Variants in GRID2IP observed in about 807,000 individuals in gnomAD.
GRID2IP encodes Grid2 interacting protein.
GRID2IP carries 78 observed loss-of-function variants against 114.3 expected under a neutral mutation model. That is an observed-to-expected ratio of 0.68 (90% CI 0.57 to 0.82). GRID2IP has a LOEUF of 0.82. Among genes scored for constraint, GRID2IP ranks in the 40% least tolerant of loss-of-function variants. GRID2IP has a pLI of 0.00. For missense variants in GRID2IP, 1,727 were observed against 1,678.5 expected (o/e 1.03, Z -0.51); for synonymous variants, 809 against 724.0 (o/e 1.12, Z -1.89).
At position 6,519,297 on chromosome 7, in the gene GRID2IP, A is replaced by C. The variant is rs891160786; in HGVS notation, c.1268+1281T>G. Among the ~76,000 whole-genome samples, 7 of 152,196 alleles carry C rather than the reference A, an allele frequency of 4.6e-5. No individual in the cohort carries two copies. The highest frequency in any genetic ancestry group is 1.4e-4 in the African/African-American group (6 of 41,446). On this transcript the variant is annotated intron_variant, in intron 7 of 21. Coordinates refer to ENST00000457091, the MANE Select transcript of GRID2IP (RefSeq NM_001145118.2). The surrounding 1 kb of genome is among the most constrained non-coding windows in gnomAD (Gnocchi z 4.1). ...ATACTAAAAACCACTGAATTGTATA[A>C]TTAAATGGCAAATTGTATAGTATGT...
intron 7 of GRID2IP, among the ~76,000 whole-genome samples, chr7:6,518,602 G>C (rs563039621): frequency 6.6e-6 from 1 of 152,098 alleles, no homozygotes; most frequent in South Asian, 2.1e-4. Context: ...TGGGCGTGGT[G>C]GAGAGTGCCT....
intron 7 of GRID2IP, 63 bp from the exon 8 acceptor site, chr7:6,514,592 G>C: frequency 7.2e-7 from 1 of 1,379,988 alleles, no homozygotes; most frequent in Non-Finnish European, 9.5e-7. Context: ...GCACAGAGTG[G>C]GGGTAGACAA....
At position 6,541,010 on chromosome 7, in the gene GRID2IP, T is replaced by C. The variant is rs1779808503; in HGVS notation, c.430-1138A>G. 2.0e-5 allele frequency among the ~76,000 whole-genome samples: 3 copies of C among 152,078 alleles called. No homozygotes were observed. In the South Asian group the frequency reaches 6.2e-4, roughly 32 times the overall value. On this transcript the variant is annotated intron_variant, in intron 1 of 21. Transcript: ENST00000457091. ...TGCCTACATGCTTGGCTAATCTGTTTTTTTATAATCCCTCATCTACTTAAA... is the reference window on the plus strand; with the variant it reads ...TGCCTACATGCTTGGCTAATCTGTTCTTTTATAATCCCTCATCTACTTAAA...
intron 2 of GRID2IP, among the ~76,000 whole-genome samples, chr7:6,533,193 C>T (rs941678149): frequency 3.3e-5 from 5 of 152,124 alleles, no homozygotes; most frequent in African/African-American, 1.2e-4. Context: ...ATGTGCAGGA[C>T]AGCCCCTGAC....
In GRID2IP at chr7:6,514,481, A is replaced by G. The variant is rs1443719362; in HGVS notation, c.1317T>C (p.Pro439=). 11 of 1,548,986 alleles carry G rather than the reference A, an allele frequency of 7.1e-6. 2 individuals carry two copies. In the Admixed American group the frequency reaches 2.0e-4, roughly 28 times the overall value. The change falls in exon 8 of 22, where the codon CCT becomes CCC. Residue 439 remains proline, a synonymous_variant. Coordinates refer to ENST00000457091, the MANE Select transcript of GRID2IP (RefSeq NM_001145118.2). ...IVDVYPVLDT[P]AKQVLWQFIY... ...TGAACTGCCACAGGACCTGCTTGGCAGGGGTGTCCAGCACAGGGTAGACGT... is the reference window on the plus strand; with the variant it reads ...TGAACTGCCACAGGACCTGCTTGGCGGGGGTGTCCAGCACAGGGTAGACGT...
rs756640161 is a variant in GRID2IP at position 6,508,250 on chromosome 7, G to T, written c.2279C>A (p.Pro760Gln). 6.5e-7 allele frequency: 1 copy of T among 1,536,440 alleles called. No individual in the cohort carries two copies. Among genetic ancestry groups the T allele is most frequent in the South Asian group, 1.2e-5 (1 of 81,900 alleles). The part of the protein sequence containing the change: ...PPPPLSPPPP[P>Q]PLPFHDAKPS... ...CTTAGCGTCATGGAAAGGCAGGGGTGGCGGTGGTGGGGGGCTGAGCGGGGG... is the reference window on the plus strand; with the variant it reads ...CTTAGCGTCATGGAAAGGCAGGGGTTGCGGTGGTGGGGGGCTGAGCGGGGG... The change falls in exon 13 of 22, where the codon CCA (proline) becomes CAA (glutamine). Residue 760 changes from proline (P) to glutamine (Q), a missense_variant. Pro to Gln is a moderately conservative substitution (Grantham distance 76). Transcript: ENST00000457091. The surrounding 1 kb of genome is among the most constrained non-coding windows in gnomAD (Gnocchi z 5.6).
At position 6,501,842 on chromosome 7, in the gene GRID2IP, A is replaced by G. The variant is rs754661441; in HGVS notation, c.3338T>C (p.Ile1113Thr). The change falls in exon 20 of 22, where the codon ATA becomes ACA. Residue 1113 changes from isoleucine (I) to threonine (T), a missense_variant. By Grantham distance (89) the Ile-to-Thr change is moderately conservative (BLOSUM62 -1). Coordinates refer to ENST00000457091, the MANE Select transcript of GRID2IP (RefSeq NM_001145118.2). ...LADLHGTISEIQDACQSISPS... is the reference protein window; with the variant it reads ...LADLHGTISETQDACQSISPS... ...GGAAATGCTCTGGCAGGCATCCTGT[A>G]TCTCGCTGATAGTGCCATGGAGGTC... 3.9e-6 allele frequency: 6 copies of G among 1,551,476 alleles called. No homozygotes were observed. Among genetic ancestry groups the G allele is most frequent in the Non-Finnish European group, 8.7e-7 (1 of 1,146,998 alleles).
rs765958658 is a variant in GRID2IP, at chr7:6,528,195, C to G, written c.585-1426G>C. 9.2e-5 allele frequency among the ~76,000 whole-genome samples: 14 copies of G among 152,120 alleles called. No individual in the cohort carries two copies. The highest frequency in any genetic ancestry group is 1.8e-4 in the Non-Finnish European group (12 of 68,030). On this transcript the variant is annotated intron_variant, in intron 2 of 21. Transcript: ENST00000457091. This position sits in a 1 kb window ranked among gnomAD's most constrained non-coding sequence, Gnocchi z 6.0. ...TACAGGCGTGAGCTACAACACCCAG[C>G]CTTGGAAGCTTTCCGGGGGTTATGT...
intron 1 of GRID2IP, among the ~76,000 whole-genome samples, chr7:6,544,114 G>C (rs1212424151): frequency 6.6e-6 from 1 of 151,804 alleles, no homozygotes; most frequent in African/African-American, 2.4e-5. Flanking sequence ...ATCTTTAATA[G>C]CTTGTGTATT....
rs553791591 is a variant in GRID2IP, at chr7:6,528,619, A to AGCT, written c.585-1853_585-1851dup. Among the ~76,000 whole-genome samples the AGCT allele has an allele frequency of 3.3e-3, 496 of 152,330 alleles. 6 individuals are homozygous for AGCT. The highest frequency in any genetic ancestry group is 5.4e-3 in the Non-Finnish European group (366 of 68,026). ...AGGGAGAAGGGATCAGTGGCCTTGC[A>AGCT]GCTGAAAGACAAACCCCTCTGAGGT... On this transcript the variant is annotated intron_variant, in intron 2 of 21. Transcript: ENST00000457091. The surrounding 1 kb of genome is among the most constrained non-coding windows in gnomAD (Gnocchi z 6.0).
chr7:6,519,836 T>TAG lies in GRID2IP; in HGVS notation c.1268+741_1268+742insCT, dbSNP rs1779379489. 6.6e-6 allele frequency among the ~76,000 whole-genome samples: 1 copy of TAG among 152,100 alleles called. No individual in the cohort carries two copies. ...CAAGTGACAGGCTTTGCAGAGACCA[T>TAG]AATAATGACCCCATGGACCGAGGAG... On this transcript the variant is annotated intron_variant, in intron 7 of 21. Transcript: ENST00000457091. The surrounding 1 kb of genome is among the most constrained non-coding windows in gnomAD (Gnocchi z 4.1).
chr7:6,504,836 C>T lies in GRID2IP; in HGVS notation c.2667G>A (p.Lys889=), dbSNP rs1487382939. The part of the protein sequence containing the change: ...PVPGPEPFRK[K]EVVEILSHKK... ...TATGGGACAGGATCTCCACCACCTC[C>T]TTCTTCCGGAAGGGCTCCGGCCCCG... The change falls in exon 15 of 22, where the codon AAG becomes AAA. Residue 889 remains lysine, a synonymous_variant. Transcript: ENST00000457091. The T allele has an allele frequency of 1.9e-6, 3 of 1,551,430 alleles. No individual in the cohort carries two copies. The highest frequency in any genetic ancestry group is 2.6e-6 in the Non-Finnish European group (3 of 1,146,852).
Position 6,516,350 on chromosome 7 carries a change from A to G in GRID2IP, c.1269-1821T>C, listed in dbSNP as rs2115065770. Reference sequence around the variant, plus strand: ...TGAATATTATTAATAATTAGTTTGTAGCATTACTGTTTATTCCAATATTAT... The same window carrying G: ...TGAATATTATTAATAATTAGTTTGTGGCATTACTGTTTATTCCAATATTAT... On this transcript the variant is annotated intron_variant, in intron 7 of 21. Transcript: ENST00000457091. This position sits in a 1 kb window ranked among gnomAD's most constrained non-coding sequence, Gnocchi z 4.3. Among the ~76,000 whole-genome samples, 1 of 152,278 alleles carries G rather than the reference A, an allele frequency of 6.6e-6. No homozygotes were observed. Among genetic ancestry groups the G allele is most frequent in the East Asian group, 1.9e-4 (1 of 5,190 alleles).
chr7:6,504,495 G>A (rs1252182447), intron 15 of GRID2IP, among the ~76,000 whole-genome samples: 4 of 151,962 alleles, frequency 2.6e-5, no homozygotes, highest in Non-Finnish European at 4.4e-5. Flanking sequence ...GAGAAGCTGG[G>A]TGGGGTCTAT....
rs1428148525 is a variant in GRID2IP at position 6,506,069 on chromosome 7, A to G, written c.2545-162T>C. Among the ~76,000 whole-genome samples the G allele has an allele frequency of 6.6e-6, 1 of 152,230 alleles. No homozygotes were observed. On this transcript the variant is annotated intron_variant, in intron 13 of 21. Transcript: ENST00000457091. The surrounding 1 kb of genome is among the most constrained non-coding windows in gnomAD (Gnocchi z 5.2). The stretch of plus-strand genomic sequence containing the variant: ...GCAGGAGGAGACTGCAGGAGAAGCC[A>G]GATCATCCGAGTCACCGGGTGCTGA...
intron 1 of GRID2IP, among the ~76,000 whole-genome samples, chr7:6,547,175 C>T (rs1372716838): frequency 6.6e-6 from 1 of 152,118 alleles, no homozygotes; most frequent in African/African-American, 2.4e-5. Context: ...TCAAGCCACC[C>T]TAGAAAGTCT....
At chr7:6,524,410 T>C (rs1779467106) in intron 4 of GRID2IP, among the ~76,000 whole-genome samples, 1 of 152,122 alleles carries the variant, frequency 6.6e-6, no homozygotes, top group Non-Finnish European at 1.5e-5. Context: ...TCTGAGCAGA[T>C]GGTTACAGGG....
chr7:6,514,266 C>G, intron 8 of GRID2IP, 109 bp downstream of exon 8: 1 of 1,061,260 alleles, frequency 9.4e-7, no homozygotes, highest in Non-Finnish European at 1.3e-6. Flanking sequence ...AACAAACAAA[C>G]AAGCAAACAA....
Position 6,501,854 on chromosome 7 carries a change from G to A in GRID2IP, c.3326C>T (p.Thr1109Ile). Residue 1109 changes from threonine to isoleucine, a missense_variant, in exon 20 of 22, where the codon ACT becomes ATT. Physicochemically the swap from Thr to Ile is moderately conservative, Grantham distance 89 (BLOSUM62 -1). Transcript: ENST00000457091. ...LTSDLADLHG[T>I]ISEIQDACQS... ...GCAGGCATCCTGTATCTCGCTGATA[G>A]TGCCATGGAGGTCAGCCAGGTCACT... The A allele has an allele frequency of 6.4e-7, 1 of 1,551,616 alleles. No individual in the cohort carries two copies. Among genetic ancestry groups the A allele is most frequent in the South Asian group, 1.2e-5 (1 of 84,066 alleles).
Sources: gnomAD v4.1 joint callset for allele counts (sites outside exome capture counted in the v4.1 genomes callset) on GRCh38, gnomAD v4.1.1 for gene constraint, Gnocchi (gnomAD v3.1) non-coding constraint, MANE v1.5 for transcripts, NCBI Gene and HGNC (gene_info 2026-07-23, HGNC 2026-07-21) for gene names.